F11: variants seen among roughly 807,000 people sequenced by gnomAD.
F11 encodes coagulation factor XI.
In F11, 78 loss-of-function variants were observed where a neutral mutation model predicts 76.5. The observed-to-expected ratio is 1.02, with a 90% confidence interval of 0.85 to 1.23. The LOEUF is 1.23. Among genes scored for constraint, F11 ranks in the 50% most tolerant of loss-of-function variants. The pLI is 0.00. For synonymous variants in F11, 278 were observed against 276.3 expected, an observed-to-expected ratio of 1.01 and a Z score of -0.06; for missense variants, 742 against 771.4, an observed-to-expected ratio of 0.96 and a Z score of 0.45.
chr4:186,268,664 T>A (rs1739689131), intron 2 of F11, among the ~76,000 whole-genome samples: 1 of 151,866 alleles, frequency 6.6e-6, no homozygotes, highest in Non-Finnish European at 1.5e-5. Context: ...AATCTGCAAA[T>A]GTTTGAAAAT....
intron 3 of F11, 113 bp from the exon 4 acceptor site, chr4:186,272,958 G>C: frequency 2.9e-6 from 2 of 686,954 alleles, no homozygotes; most frequent in Non-Finnish European, 5.1e-6. Flanking sequence ...GTTTTGGCAT[G>C]AGATAAAGTA....
At position 186,284,248 on chromosome 4, in the gene F11, ACT is replaced by A; in HGVS notation, c.1293_1294del (p.His431GlnfsTer9). On this transcript the variant is annotated frameshift_variant, in exon 11 of 15. Transcript: ENST00000403665. LOFTEE classifies it high-confidence loss of function. ...AACCAGTGGATATTAACAGCCGCTC[ACT>A]GTTTCTATGGGTCAGTACCACGGCT... 1 of 1,614,068 alleles carries A rather than the reference ACT, an allele frequency of 6.2e-7. No individual in the cohort carries two copies. Among genetic ancestry groups the A allele is most frequent in the Non-Finnish European group, 8.5e-7 (1 of 1,179,898 alleles).
chr4:186,283,049 T>A (rs1740912577), intron 10 of F11: 1 of 985,072 alleles, frequency 1.0e-6, no homozygotes, highest in African/African-American at 1.7e-5. Context: ...CACCTGAGCC[T>A]GGTTATTCTA....
intron 2 of F11, among the ~76,000 whole-genome samples, chr4:186,269,982 G>A (rs1274240991): frequency 6.6e-6 from 1 of 152,126 alleles, no homozygotes; most frequent in Non-Finnish European, 1.5e-5. Context: ...TTTCCCAAGG[G>A]ATTGAGAATA....
In F11 at chr4:186,289,504, T is replaced by C. The variant is rs1395247316; in HGVS notation, c.*890T>C. Among the ~76,000 whole-genome samples the C allele has an allele frequency of 3.3e-5, 5 of 152,096 alleles. No homozygotes were observed. The highest frequency in any genetic ancestry group is 1.2e-4 in the African/African-American group (5 of 41,412). On this transcript the variant is annotated 3_prime_UTR_variant, in exon 15 of 15. Transcript: ENST00000403665. ...AGAGAAAAAACAATTAGGGCGCAAA[T>C]GGATAGTTACAGTAAAGTCTTCAGC...
At chr4:186,269,970 G>A (rs4253828) in intron 2 of F11, among the ~76,000 whole-genome samples, 2,890 of 152,184 alleles carry the variant, frequency 0.019, 91 homozygotes, top group African/African-American at 0.066. Context: ...AATATTGAAA[G>A]CTTTCCCAAG....
At chr4:186,275,507 A>AC (rs75217716) in intron 5 of F11, among the ~76,000 whole-genome samples, 1 of 151,812 alleles carries the variant, frequency 6.6e-6, no homozygotes, top group Non-Finnish European at 1.5e-5. Flanking sequence ...ATAAAAAAAA[A>AC]CAAAAAATGA....
chr4:186,270,862 A>ATT (rs34930947), intron 2 of F11, among the ~76,000 whole-genome samples: 38,206 of 138,084 alleles, frequency 0.28, 5,622 homozygotes, highest in East Asian at 0.43. Flanking sequence ...CCCAGCTAGT[A>ATT]TTTTTTTTTT....
intron 4 of F11, among the ~76,000 whole-genome samples, chr4:186,273,526 C>A (rs1035007683): frequency 6.6e-6 from 1 of 151,940 alleles, no homozygotes; most frequent in African/African-American, 2.4e-5. Context: ...AATCACAGCT[C>A]ACTCCAGCCT....
At chr4:186,288,326 A>G in intron 14 of F11, 127 bp from the exon 15 acceptor site, 2 of 1,125,266 alleles carry the variant, frequency 1.8e-6, no homozygotes, top group East Asian at 2.4e-5. Context: ...GCAAGCACCC[A>G]GGTTCTCTGC....
rs886059303 is a variant in F11, at chr4:186,289,566, G to A, written c.*952G>A. On this transcript the variant is annotated 3_prime_UTR_variant, in exon 15 of 15. Transcript: ENST00000403665. ...TGTATTCTAAGCACTGGGATTTTCTGTTTCGTGCAAATATTTATCTCATTA... is the reference window on the plus strand; with the variant it reads ...TGTATTCTAAGCACTGGGATTTTCTATTTCGTGCAAATATTTATCTCATTA... 8.5e-5 allele frequency among the ~76,000 whole-genome samples: 13 copies of A among 152,146 alleles called. No homozygotes were observed. Among genetic ancestry groups the A allele is most frequent in the Non-Finnish European group, 1.6e-4 (11 of 68,000 alleles).
intron 10 of F11, chr4:186,281,950 C>T (rs1036174042): frequency 1.2e-5 from 15 of 1,279,096 alleles, no homozygotes; most frequent in South Asian, 5.0e-5. Context: ...AGAGGCGCTC[C>T]GATGAAAATC....
At chr4:186,271,554 C>A in intron 2 of F11, 55 bp from the exon 3 acceptor site, 1 of 1,596,070 alleles carries the variant, frequency 6.3e-7, no homozygotes, top group Non-Finnish European at 8.6e-7. Flanking sequence ...TACCACCTAA[C>A]TAGATGTATG....
chr4:186,276,544 C>T (rs989707969), intron 7 of F11, among the ~76,000 whole-genome samples, 154 bp downstream of exon 7: 2 of 151,602 alleles, frequency 1.3e-5, no homozygotes, highest in Non-Finnish European at 2.9e-5. Context: ...CTTTCTATTC[C>T]CCACCTACTT....
chr4:186,281,080 C>T (rs924457389), intron 10 of F11, among the ~76,000 whole-genome samples: 1 of 152,042 alleles, frequency 6.6e-6, no homozygotes, highest in African/African-American at 2.4e-5. Flanking sequence ...TGGTCTTGAA[C>T]TCCTGGGCTC....
At position 186,286,494 on chromosome 4, in the gene F11, G is replaced by A. The variant is rs794727084; in HGVS notation, c.1560G>A (p.Gly520=). 2 of 1,613,828 alleles carry A rather than the reference G, an allele frequency of 1.2e-6. No individual in the cohort carries two copies. ...CTGATTGCTGGGTGACTGGATGGGG[G>A]TACAGAAAACTAAGAGGTAAAAATG... ...IYTDCWVTGW[G]YRKLRDKIQN... The change falls in exon 13 of 15, where the codon GGG becomes GGA. Residue 520 remains glycine, a synonymous_variant. Coordinates refer to ENST00000403665, the MANE Select transcript of F11 (RefSeq NM_000128.4).
At chr4:186,267,868 C>A (rs1409393233) in intron 2 of F11, among the ~76,000 whole-genome samples, 1 of 152,018 alleles carries the variant, frequency 6.6e-6, no homozygotes, top group Non-Finnish European at 1.5e-5. Context: ...AAAAGGCAAA[C>A]CTAGGTGAAG....
Position 186,273,082 on chromosome 4 carries a change from T to C in F11, c.230T>C (p.Val77Ala), listed in dbSNP as rs1433941674. The C allele has an allele frequency of 6.2e-7, 1 of 1,611,242 alleles. No homozygotes were observed. The highest frequency in any genetic ancestry group is 1.7e-4 in the Middle Eastern group (1 of 6,048). The stretch of plus-strand genomic sequence containing the variant: ...TTTTAAAAAAACAGGTTTACTTGTG[T>C]CCTGAAAGACAGTGTTACAGAAACA... ...SEDPTRWFTCVLKDSVTETLP... is the reference protein window; with the variant it reads ...SEDPTRWFTCALKDSVTETLP... The change falls in exon 4 of 15, where the codon GTC becomes GCC. Residue 77 changes from valine to alanine, a missense_variant. Val to Ala is a moderately conservative substitution (Grantham distance 64, BLOSUM62 0). Transcript: ENST00000403665.
chr4:186,268,056 T>C (rs953450075), intron 2 of F11, among the ~76,000 whole-genome samples: 1 of 152,166 alleles, frequency 6.6e-6, no homozygotes, highest in Non-Finnish European at 1.5e-5. Context: ...TTTTGAACAC[T>C]GGACCCAATA....
Sources: gnomAD v4.1 joint callset for allele counts (sites outside exome capture counted in the v4.1 genomes callset) on GRCh38, gnomAD v4.1.1 for gene constraint, MANE v1.5 for transcripts, NCBI Gene and HGNC (gene_info 2026-07-23, HGNC 2026-07-21) for gene names.